Variants in CENPF observed in about 807,000 individuals in gnomAD.
The protein encoded by CENPF is AH antigen.
CENPF carries 214 observed loss-of-function variants against 307.3 expected under a neutral mutation model. The ratio of observed to expected loss-of-function variants is 0.70; its 90% CI spans 0.62 to 0.78. CENPF has a LOEUF of 0.78. Ranked by LOEUF, CENPF falls within the 30% of genes least tolerant of loss-of-function variation. The pLI, the probability that CENPF is intolerant of heterozygous loss-of-function variation, is 0.00. For synonymous variants in CENPF, 1,259 were observed against 1,270.6 expected, an observed-to-expected ratio of 0.99 and a Z score of 0.19; for missense variants, 3,401 against 3,483.9, an observed-to-expected ratio of 0.98 and a Z score of 0.60.
chr1:214,652,764 T>G, intron 15 of CENPF, 64 bp from the exon 16 acceptor site: 1 of 1,417,486 alleles, frequency 7.1e-7, no homozygotes, highest in Non-Finnish European at 9.5e-7. Flanking sequence ...TTCTGACTAT[T>G]TTTTTTTAGC....
chr1:214,656,094 A>G (rs1658624942), intron 17 of CENPF, among the ~76,000 whole-genome samples: 1 of 152,182 alleles, frequency 6.6e-6, no homozygotes, highest in Admixed American at 6.5e-5. Flanking sequence ...TCCTCAGTCC[A>G]TTCGTATGGG....
At position 214,655,278 on chromosome 1, in the gene CENPF, A is replaced by C. The variant is rs1329405710; in HGVS notation, c.8360A>C (p.Glu2787Ala). ...NLKYVNQLKK[E>A]NERAQGKMKL... ...AAATATGTAAATCAGTTGAAGAAGG[A>C]AAATGAACGTGCCCAGGGGAAAATG... The change falls in exon 17 of 20, where the codon GAA (glutamate) becomes GCA (alanine). Residue 2787 changes from glutamate to alanine, a missense_variant. By Grantham distance (107) the Glu-to-Ala change is moderately radical (BLOSUM62 -1). Coordinates refer to ENST00000366955, the MANE Select transcript of CENPF (RefSeq NM_016343.4). 5.6e-6 allele frequency: 9 copies of C among 1,606,516 alleles called. 1 individual carries two copies. The South Asian group carries it at 6.7e-5, about 12-fold the overall frequency.
In CENPF at chr1:214,616,803, TTTCTTTCCTTCCTTCC is replaced by T. The variant is rs1229705912; in HGVS notation, c.360-1752_360-1737del. 4.4e-3 allele frequency among the ~76,000 whole-genome samples: 673 copies of T among 151,236 alleles called. 11 individuals are homozygous for T. The highest frequency in any genetic ancestry group is 0.016 in the African/African-American group (649 of 40,804). Reference sequence around the variant, plus strand: ...AGGGCTTTCTTTCTTTCTTTGTTTCTTTCTTTCCTTCCTTCCTTCTTTCCTTCCTTCCTCTTTCTTT... The same window carrying T: ...AGGGCTTTCTTTCTTTCTTTGTTTCTTTCTTTCCTTCCTTCCTCTTTCTTT... On this transcript the variant is annotated intron_variant, in intron 3 of 19. Coordinates refer to ENST00000366955, the MANE Select transcript of CENPF (RefSeq NM_016343.4).
chr1:214,619,310 C>A, intron 5 of CENPF, 90 bp downstream of exon 5: 1 of 680,496 alleles, frequency 1.5e-6, no homozygotes, highest in Non-Finnish European at 2.5e-6. Flanking sequence ...ATCTGTTTTA[C>A]ATAGAGCTGG....
rs775981717 is a variant in CENPF at position 214,640,582 on chromosome 1, CA to C, written c.2247del (p.Asp750ThrfsTer18). On this transcript the variant is annotated frameshift_variant, in exon 12 of 20. Transcript: ENST00000366955. LOFTEE classifies it high-confidence loss of function. Reference protein sequence around the residue: ...LQLLSNEIMDKDRCYQDLHAE... With the variant: ...LQLLSNEIMDXDRCYQDLHAE... ...AGTTACTGTCAAATGAAATAATGGA[CA>C]AAGACCGGTGTTACCAAGACTTGCA... is the stretch of plus-strand genomic sequence containing the variant. The C allele has an allele frequency of 6.2e-7, 1 of 1,614,024 alleles. No individual in the cohort carries two copies. The highest frequency in any genetic ancestry group is 8.5e-7 in the Non-Finnish European group (1 of 1,179,938).
rs145918377 is a variant in CENPF at position 214,629,481 on chromosome 1, G to A, written c.1194+310G>A. Among the ~76,000 whole-genome samples the A allele has an allele frequency of 1.4e-3, 208 of 152,122 alleles. 2 individuals carry two copies. The highest frequency in any genetic ancestry group is 4.8e-3 in the African/African-American group (201 of 41,528). On this transcript the variant is annotated intron_variant, in intron 8 of 19. Coordinates refer to ENST00000366955, the MANE Select transcript of CENPF (RefSeq NM_016343.4). ...TCTTTTGGACATTTTCTCTGCTGTG[G>A]AGGAAATTGTATTACATTTTCCAGT...
rs754671280 is a variant in CENPF at position 214,629,081 on chromosome 1, G to A, written c.1104G>A (p.Thr368=). 1.9e-5 allele frequency: 30 copies of A among 1,609,696 alleles called. No homozygotes were observed. Among genetic ancestry groups the A allele is most frequent in the Admixed American group, 3.4e-5 (2 of 59,334 alleles). The stretch of plus-strand genomic sequence containing the variant: ...TGGAACAAAAACTGAAAAAATTGAC[G>A]GAAGATTTGAGTTGTCAGCGACAAA... The part of the protein sequence containing the change: ...TALEQKLKKL[T]EDLSCQRQNA... The change falls in exon 8 of 20, where the codon ACG becomes ACA. Residue 368 remains threonine, a synonymous_variant. Coordinates refer to ENST00000366955, the MANE Select transcript of CENPF (RefSeq NM_016343.4).
At position 214,611,743 on chromosome 1, in the gene CENPF, C is replaced by T. The variant is rs764868987; in HGVS notation, c.-41-1971C>T. Among the ~76,000 whole-genome samples the T allele has an allele frequency of 3.3e-5, 5 of 152,172 alleles. No individual in the cohort carries two copies. The East Asian group carries it at 7.7e-4, about 23-fold the overall frequency. On this transcript the variant is annotated intron_variant, in intron 1 of 19. Coordinates refer to ENST00000366955, the MANE Select transcript of CENPF (RefSeq NM_016343.4). ...GGTGATTTATTCATATTGTGGCAAT[C>T]GTGAATGAGATTGCATTTTTGATTT... is the stretch of plus-strand genomic sequence containing the variant.
In CENPF at chr1:214,652,875, A is replaced by G. The variant is rs750492461; in HGVS notation, c.8208A>G (p.Glu2736=). Residue 2736 remains glutamate, a synonymous_variant, in exon 16 of 20, where the codon GAA becomes GAG. Transcript: ENST00000366955. ...ACCGAGAGAAATTGACTTCTAAAGA[A>G]GAATGTCTCAGTTCACAGAAGCTGG... ...QTYREKLTSK[E]ECLSSQKLEI... is the part of the protein sequence containing the mutation. 7 of 1,605,078 alleles carry G rather than the reference A, an allele frequency of 4.4e-6. No homozygotes were observed. The highest frequency in any genetic ancestry group is 2.2e-5 in the East Asian group (1 of 44,720).
intron 9 of CENPF, 81 bp downstream of exon 9, chr1:214,630,743 TATG>T (rs1465492483): frequency 4.8e-5 from 73 of 1,512,846 alleles, no homozygotes; most frequent in Non-Finnish European, 6.3e-5. Context: ...ATAACTGACA[TATG>T]ATACTTTCAA....
At position 214,658,833 on chromosome 1, in the gene CENPF, A is replaced by T. The variant is rs1050196002; in HGVS notation, c.8963-17A>T. The T allele has an allele frequency of 6.2e-7, 1 of 1,608,310 alleles. No homozygotes were observed. Among genetic ancestry groups the T allele is most frequent in the African/African-American group, 1.3e-5 (1 of 74,704 alleles). ...ATTGGACCTAGCAGTGCTGACAGTT[A>T]TTTTTTTTGCCCTTAGGGTTTGCTG... is the stretch of plus-strand genomic sequence containing the variant. On this transcript the variant is annotated splice_polypyrimidine_tract_variant and intron_variant, in intron 18 of 19. Coordinates refer to ENST00000366955, the MANE Select transcript of CENPF (RefSeq NM_016343.4).
At chr1:214,638,029 C>A (rs1658010104) in intron 11 of CENPF, 28 bp downstream of exon 11, 2 of 1,584,430 alleles carry the variant, frequency 1.3e-6, no homozygotes, top group Non-Finnish European at 1.7e-6. Context: ...TTTAGAGTTA[C>A]CTTTCTAAGC....
At chr1:214,631,133 C>T (rs112549008) in intron 9 of CENPF, among the ~76,000 whole-genome samples, 20 of 152,322 alleles carry the variant, frequency 1.3e-4, no homozygotes, top group African/African-American at 4.3e-4. Flanking sequence ...ACTCACATGT[C>T]TAAAGGCACT....
intron 3 of CENPF, among the ~76,000 whole-genome samples, chr1:214,618,058 G>A (rs183664757): frequency 9.2e-5 from 14 of 152,260 alleles, no homozygotes; most frequent in South Asian, 8.3e-4. Flanking sequence ...ACCCTTCTTC[G>A]CATGGTGGCA....
chr1:214,613,839 A>C lies in CENPF; in HGVS notation c.85A>C (p.Lys29Gln), dbSNP rs753728550. ...KIQELEGQLD[K>Q]LKKEKQQRQF... ...TCAAGAGCTTGAAGGACAGCTTGAC[A>C]AACTGAAGAAGGAAAAGCAGCAAAG... Residue 29 changes from lysine (K) to glutamine (Q), a missense_variant, in exon 2 of 20, where the codon AAA (lysine) becomes CAA (glutamine). Transcript: ENST00000366955. 8.7e-6 allele frequency: 14 copies of C among 1,613,912 alleles called. No individual in the cohort carries two copies. The Admixed American group carries it at 2.3e-4, about 27-fold the overall frequency.
chr1:214,654,059 G>GT (rs1658563293), intron 16 of CENPF: 1 of 151,890 alleles, frequency 6.6e-6, no homozygotes, highest in South Asian at 2.1e-4. Flanking sequence ...GTTCTTCTCC[G>GT]TCCCCCATCC....
rs149157983 is a variant in CENPF, at chr1:214,628,295, G to T, written c.1069-751G>T. On this transcript the variant is annotated intron_variant, in intron 7 of 19. Coordinates refer to ENST00000366955, the MANE Select transcript of CENPF (RefSeq NM_016343.4). ...TAGTAGAAAAGGATTCTTGATTCCA[G>T]GACCCTTTTAGTGGACTGTATTGCA... Among the ~76,000 whole-genome samples the T allele has an allele frequency of 1.4e-3, 209 of 152,184 alleles. 2 individuals are homozygous for T. The highest frequency in any genetic ancestry group is 4.9e-3 in the African/African-American group (202 of 41,538).
rs2102561278 is a variant in CENPF, at chr1:214,642,362, C to G, written c.4024C>G (p.Leu1342Val). Reference protein sequence around the residue: ...TRKMAEEVGKLLNEVKILNDD... With the variant: ...TRKMAEEVGKVLNEVKILNDD... ...GAAAATGGCAGAAGAGGTAGGGAAACTACTAAATGAAGTTAAAATATTAAA... is the reference window on the plus strand; with the variant it reads ...GAAAATGGCAGAAGAGGTAGGGAAAGTACTAAATGAAGTTAAAATATTAAA... Residue 1342 changes from leucine to valine, a missense_variant, in exon 12 of 20, where the codon CTA (leucine) becomes GTA (valine). Physicochemically the swap from Leu to Val is conservative, Grantham distance 32. Coordinates refer to ENST00000366955, the MANE Select transcript of CENPF (RefSeq NM_016343.4). 6.2e-7 allele frequency: 1 copy of G among 1,612,716 alleles called. No homozygotes were observed. Among genetic ancestry groups the G allele is most frequent in the Non-Finnish European group, 8.5e-7 (1 of 1,179,550 alleles).
In CENPF at chr1:214,640,544, G is replaced by A. The variant is rs1553288720; in HGVS notation, c.2206G>A (p.Glu736Lys). 1 of 1,614,122 alleles carries A rather than the reference G, an allele frequency of 6.2e-7. No homozygotes were observed. Among genetic ancestry groups the A allele is most frequent in the East Asian group, 2.2e-5 (1 of 44,884 alleles). Residue 736 changes from glutamate (E) to lysine (K), a missense_variant, in exon 12 of 20, where the codon GAA (glutamate) becomes AAA (lysine). By Grantham distance (56) the Glu-to-Lys change is moderately conservative. Transcript: ENST00000366955. The stretch of plus-strand genomic sequence containing the variant: ...GCTTACTGGGCAAGTTGAAGATCTA[G>A]AACACAAGCTTCAGTTACTGTCAAA... ...SQLTGQVEDL[E>K]HKLQLLSNEI...
Sources: allele counts gnomAD v4.1 joint callset (sites outside exome capture counted in the v4.1 genomes callset), GRCh38; gene constraint gnomAD v4.1.1; transcripts MANE v1.5; gene names NCBI Gene and HGNC (gene_info 2026-07-23, HGNC 2026-07-21).